The following RPS6KC1 variants were observed in gnomAD, a reference collection of about 807,000 sequenced individuals.
RPS6KC1 encodes inactive ribosomal protein S6 kinase delta-1.
A neutral mutation model predicts 103.8 loss-of-function variants in RPS6KC1; 54 were observed. The observed-to-expected ratio is 0.52, with a 90% CI of 0.42 to 0.65. The LOEUF (loss-of-function observed/expected upper bound fraction) is 0.65, where lower values mean the gene tolerates loss of function less well. RPS6KC1 is among the 30% of genes least tolerant of loss of function. The pLI, the probability that RPS6KC1 is intolerant of heterozygous loss-of-function variation, is 0.00. For synonymous variants in RPS6KC1, 439 were observed against 438.7 expected (o/e 1.00, Z -0.01); for missense variants, 1,151 against 1,253.8 (o/e 0.92, Z 1.24).
At chr1:213,769,492 G>GGA in the RPS6KC1 span, among the ~76,000 whole-genome samples, 123 of 135,646 alleles carry the variant, frequency 9.1e-4, 1 homozygote, top group African/African-American at 2.2e-3. Flanking sequence ...AACTCCACCT[G>GGA]GAGAGAGAGA....
At chr1:213,857,447 C>A in the RPS6KC1 span, among the ~76,000 whole-genome samples, 9 of 152,192 alleles carry the variant, frequency 5.9e-5, no homozygotes, top group Non-Finnish European at 1.5e-5. Flanking sequence ...TTCTCAGGGG[C>A]AGCCTTTACT....
the RPS6KC1 span, among the ~76,000 whole-genome samples, chr1:213,691,583 A>G: frequency 1.3e-5 from 2 of 152,130 alleles, no homozygotes; most frequent in Non-Finnish European, 2.9e-5. Context: ...GTCTCAGAGA[A>G]GTGTTTCGGT....
chr1:213,151,310 T>C (rs1572859559), intron 6 of RPS6KC1, among the ~76,000 whole-genome samples: 2 of 96,430 alleles, frequency 2.1e-5, no homozygotes, highest in African/African-American at 4.3e-5. Context: ...GAGGCGCCCC[T>C]CACCTCCCGG....
At chr1:213,178,552 C>T (rs1367626044) in intron 8 of RPS6KC1, among the ~76,000 whole-genome samples, 1 of 150,574 alleles carries the variant, frequency 6.6e-6, no homozygotes, top group African/African-American at 2.4e-5. Context: ...AAAAAACAAA[C>T]AAACAAACAA....
At chr1:213,636,518 G>A in the RPS6KC1 span, among the ~76,000 whole-genome samples, 2 of 152,144 alleles carry the variant, frequency 1.3e-5, no homozygotes. Context: ...ATGGGGAAAG[G>A]ATTCCCTATT....
At chr1:213,822,589 C>T in the RPS6KC1 span, among the ~76,000 whole-genome samples, 1 of 152,180 alleles carries the variant, frequency 6.6e-6, no homozygotes. Flanking sequence ...ATTGGTATGT[C>T]CAGATCAACC....
the RPS6KC1 span, among the ~76,000 whole-genome samples, chr1:213,604,795 T>C: frequency 6.6e-6 from 1 of 152,056 alleles, no homozygotes; most frequent in Non-Finnish European, 1.5e-5. Flanking sequence ...ATCCCAGCCA[T>C]TGGAGACCTG....
the RPS6KC1 span, among the ~76,000 whole-genome samples, chr1:213,468,032 A>C: frequency 6.6e-6 from 1 of 152,238 alleles, no homozygotes; most frequent in South Asian, 2.1e-4. Context: ...AAACTAGATT[A>C]CCTTGTTCTC....
chr1:213,378,645 A>C, the RPS6KC1 span, among the ~76,000 whole-genome samples: 42 of 152,368 alleles, frequency 2.8e-4, 1 homozygote, highest in East Asian at 6.9e-3. Flanking sequence ...AATGATGGAT[A>C]CACATATCCA....
chr1:213,629,943 C>T, the RPS6KC1 span, among the ~76,000 whole-genome samples: 17 of 152,176 alleles, frequency 1.1e-4, no homozygotes, highest in South Asian at 1.0e-3. Flanking sequence ...CAGTTTCTGC[C>T]GAGAGATCAG....
the RPS6KC1 span, among the ~76,000 whole-genome samples, chr1:213,587,818 A>T: frequency 6.6e-6 from 1 of 152,192 alleles, no homozygotes; most frequent in Non-Finnish European, 1.5e-5. Context: ...AATCCCACTG[A>T]GTGTTATCTC....
the RPS6KC1 span, among the ~76,000 whole-genome samples, chr1:213,353,858 A>G: frequency 6.6e-6 from 1 of 152,180 alleles, no homozygotes; most frequent in African/African-American, 2.4e-5. Context: ...GGAAGGTGCT[A>G]TTGCTTCCCT....
At chr1:213,729,600 A>G in the RPS6KC1 span, among the ~76,000 whole-genome samples, 1 of 152,118 alleles carries the variant, frequency 6.6e-6, no homozygotes, top group Admixed American at 6.5e-5. Context: ...AAATCAGTCC[A>G]TTCATAGAAT....
the RPS6KC1 span, among the ~76,000 whole-genome samples, chr1:213,654,224 C>T: frequency 6.6e-6 from 1 of 152,166 alleles, no homozygotes; most frequent in African/African-American, 2.4e-5. Flanking sequence ...CCCCTTGTTC[C>T]CATTTAACCT....
chr1:213,841,588 C>G, the RPS6KC1 span, among the ~76,000 whole-genome samples: 1 of 152,180 alleles, frequency 6.6e-6, no homozygotes, highest in Admixed American at 6.6e-5. Flanking sequence ...TCTGAGTCTC[C>G]TCACTTCCTC....
the RPS6KC1 span, among the ~76,000 whole-genome samples, chr1:213,512,644 G>C: frequency 2.4e-4 from 36 of 152,252 alleles, 1 homozygote; most frequent in Middle Eastern, 3.4e-3. Flanking sequence ...AGTGGGAAAG[G>C]GCAGACTTTC....
chr1:213,261,379 AT>A (rs200163183), intron 12 of RPS6KC1, among the ~76,000 whole-genome samples, 178 bp from the exon 13 acceptor site: 196 of 152,202 alleles, frequency 1.3e-3, no homozygotes, highest in Middle Eastern at 3.4e-3. Flanking sequence ...AAAAAAAAAA[AT>A]ATATGCAACC....
the RPS6KC1 span, among the ~76,000 whole-genome samples, chr1:213,545,221 A>G: frequency 6.6e-6 from 1 of 151,834 alleles, no homozygotes; most frequent in East Asian, 1.9e-4. Flanking sequence ...CAAAAAAAAC[A>G]TTAACTGGGT....
the RPS6KC1 span, among the ~76,000 whole-genome samples, chr1:213,361,296 C>T: frequency 2.6e-5 from 4 of 152,258 alleles, no homozygotes; most frequent in African/African-American, 7.2e-5. Flanking sequence ...CCTTGCAGTT[C>T]GATTTCAGAC....
Sources: allele counts gnomAD v4.1 joint callset (sites outside exome capture counted in the v4.1 genomes callset), GRCh38; gene constraint gnomAD v4.1.1; transcripts MANE v1.5; gene names NCBI Gene and HGNC (gene_info 2026-07-23, HGNC 2026-07-21).